The following SLC9C1 variants were observed in gnomAD, a reference collection of about 807,000 sequenced individuals.
The protein encoded by SLC9C1 is sodium/hydrogen exchanger 10.
SLC9C1 carries 97 observed loss-of-function variants against 140.9 expected under a neutral mutation model. The ratio of observed to expected loss-of-function variants is 0.69; its 90% CI spans 0.58 to 0.82. The LOEUF (loss-of-function observed/expected upper bound fraction) is 0.82, where lower values mean the gene tolerates loss of function less well. Among genes scored for constraint, SLC9C1 ranks in the 40% least tolerant of loss-of-function variants. The pLI, the probability that SLC9C1 is intolerant of heterozygous loss-of-function variation, is 0.00. For synonymous variants in SLC9C1, 440 were observed against 442.6 expected (o/e 0.99, Z 0.07); for missense variants, 1,340 against 1,389.3 (o/e 0.96, Z 0.56).
intron 6 of SLC9C1, among the ~76,000 whole-genome samples, chr3:112,270,285 G>C (rs1182857276): frequency 1.3e-5 from 2 of 152,120 alleles, no homozygotes; most frequent in Non-Finnish European, 2.9e-5. Flanking sequence ...CCATATGGTA[G>C]AGTTCTACTT....
At chr3:112,231,140 T>TC (rs58407610) in intron 13 of SLC9C1, among the ~76,000 whole-genome samples, 86 of 97,696 alleles carry the variant, frequency 8.8e-4, no homozygotes, top group African/African-American at 2.5e-3. Context: ...CTCTCTCTTT[T>TC]TCTCCCTTTC....
intron 10 of SLC9C1, among the ~76,000 whole-genome samples, chr3:112,251,841 G>A (rs2079467800): frequency 6.6e-6 from 1 of 152,152 alleles, no homozygotes; most frequent in Non-Finnish European, 1.5e-5. Flanking sequence ...GTGATTCTGG[G>A]TATCCATGCT....
chr3:112,222,061 TTTTCCC>T, intron 13 of SLC9C1, among the ~76,000 whole-genome samples: 1 of 152,114 alleles, frequency 6.6e-6, no homozygotes, highest in East Asian at 1.9e-4. Flanking sequence ...ATGAAAAAAC[TTTTCCC>T]ATAATTACAG....
chr3:112,200,194 C>T (rs2077872177), intron 19 of SLC9C1, among the ~76,000 whole-genome samples: 1 of 152,028 alleles, frequency 6.6e-6, no homozygotes, highest in Non-Finnish European at 1.5e-5. Flanking sequence ...TAAGATTTGT[C>T]CTGCACCAGG....
At chr3:112,146,867 C>G (rs2074811046) in intron 28 of SLC9C1, among the ~76,000 whole-genome samples, 1 of 152,164 alleles carries the variant, frequency 6.6e-6, no homozygotes, top group Non-Finnish European at 1.5e-5. Context: ...ACTTTTCTGT[C>G]TCAATCTGTC....
chr3:112,212,348 C>T (rs944079419), intron 15 of SLC9C1, among the ~76,000 whole-genome samples: 11 of 152,138 alleles, frequency 7.2e-5, no homozygotes, highest in Non-Finnish European at 1.2e-4. Context: ...AGAACAAAGC[C>T]GGATGGAGAA....
intron 10 of SLC9C1, among the ~76,000 whole-genome samples, chr3:112,246,217 A>G (rs1265191420): frequency 6.6e-6 from 1 of 152,196 alleles, no homozygotes; most frequent in African/African-American, 2.4e-5. Flanking sequence ...GGCACCCAGT[A>G]GGCTTATGTT....
intron 28 of SLC9C1, among the ~76,000 whole-genome samples, chr3:112,150,324 T>C (rs894158641): frequency 6.6e-6 from 1 of 152,110 alleles, no homozygotes; most frequent in Non-Finnish European, 1.5e-5. Flanking sequence ...CTAAGTTAAC[T>C]CGAGGGCTAG....
intron 25 of SLC9C1, 143 bp downstream of exon 25, chr3:112,168,734 G>T (rs2077187540): frequency 1.4e-6 from 1 of 732,328 alleles, no homozygotes; most frequent in Non-Finnish European, 2.1e-6. Flanking sequence ...TTGTGGGTAT[G>T]AGTGAGTGTT....
intron 26 of SLC9C1, among the ~76,000 whole-genome samples, chr3:112,166,355 C>T (rs1038895145): frequency 8.5e-5 from 13 of 152,170 alleles, no homozygotes; most frequent in African/African-American, 2.7e-4. Flanking sequence ...CCGTCTTCTG[C>T]GTCACTCATG....
intron 8 of SLC9C1, among the ~76,000 whole-genome samples, chr3:112,265,051 T>C (rs949122140): frequency 6.6e-6 from 1 of 152,002 alleles, no homozygotes; most frequent in Non-Finnish European, 1.5e-5. Context: ...TAGAGTTCTA[T>C]AGATAATCAC....
chr3:112,197,775 A>C (rs2077803915), intron 20 of SLC9C1, among the ~76,000 whole-genome samples: 1 of 152,194 alleles, frequency 6.6e-6, no homozygotes, highest in Non-Finnish European at 1.5e-5. Flanking sequence ...TTGAGCAATA[A>C]ATTGTACAAG....
chr3:112,142,456 C>CT (rs1158919875), intron 28 of SLC9C1, among the ~76,000 whole-genome samples: 1 of 151,982 alleles, frequency 6.6e-6, no homozygotes. Flanking sequence ...GCAATTAATT[C>CT]TTTTTTTGGA....
chr3:112,172,462 A>C (rs2077264445), intron 23 of SLC9C1, among the ~76,000 whole-genome samples: 1 of 152,126 alleles, frequency 6.6e-6, no homozygotes, highest in African/African-American at 2.4e-5. Context: ...TTTTGGTAGA[A>C]TCTTACAAAT....
chr3:112,231,136 CTT>C (rs57426160), intron 13 of SLC9C1, among the ~76,000 whole-genome samples: 4 of 148,614 alleles, frequency 2.7e-5, no homozygotes, highest in South Asian at 4.2e-4. Flanking sequence ...CTCTCTCTCT[CTT>C]TTTCTCCCTT....
intron 14 of SLC9C1, among the ~76,000 whole-genome samples, chr3:112,218,700 G>A (rs950570018): frequency 6.6e-6 from 1 of 152,182 alleles, no homozygotes; most frequent in East Asian, 1.9e-4. Flanking sequence ...AATACCAATT[G>A]CAGTAAAACG....
At chr3:112,214,196 C>G (rs890904893) in intron 15 of SLC9C1, among the ~76,000 whole-genome samples, 1 of 152,154 alleles carries the variant, frequency 6.6e-6, no homozygotes, top group Admixed American at 6.5e-5. Flanking sequence ...ATCTCTGGGA[C>G]ACATTTAAAG....
At chr3:112,203,047 A>G (rs2077948618) in intron 17 of SLC9C1, among the ~76,000 whole-genome samples, 1 of 152,050 alleles carries the variant, frequency 6.6e-6, no homozygotes, top group South Asian at 2.1e-4. Flanking sequence ...CAGCTCAAGT[A>G]TCACCTAATA....
chr3:112,269,631 T>C (rs1338373892), intron 7 of SLC9C1, among the ~76,000 whole-genome samples: 2 of 152,194 alleles, frequency 1.3e-5, no homozygotes. Context: ...TTTGTTCAAT[T>C]AGTCATGAAA....
Sources: allele counts gnomAD v4.1 joint callset (sites outside exome capture counted in the v4.1 genomes callset), GRCh38; gene constraint gnomAD v4.1.1; transcripts MANE v1.5; gene names NCBI Gene and HGNC (gene_info 2026-07-23, HGNC 2026-07-21).